PAH: variants seen among roughly 807,000 people sequenced by gnomAD.
PAH encodes phenylalanine hydroxylase.
A neutral mutation model predicts 62.0 loss-of-function variants in PAH; 64 were observed. The observed-to-expected ratio is 1.03, with a 90% CI of 0.84 to 1.27. PAH has a LOEUF of 1.27. PAH is among the 50% of genes most tolerant of loss of function. PAH has a pLI of 0.00. For synonymous variants in PAH, 195 were observed against 196.2 expected, an observed-to-expected ratio of 0.99 and a Z score of 0.05; for missense variants, 579 against 542.8, an observed-to-expected ratio of 1.07 and a Z score of -0.66.
chr12:102,957,192 C>T lies in PAH; in HGVS notation c.-96+1003G>A, dbSNP rs1189504890. Among the ~76,000 whole-genome samples the T allele has an allele frequency of 6.6e-6, 1 of 152,200 alleles. No homozygotes were observed. The highest frequency in any genetic ancestry group is 2.4e-5 in the African/African-American group (1 of 41,452). The stretch of plus-strand genomic sequence containing the variant: ...GAGCCCCACTCCCTCCTCACCTCCA[C>T]ACCGTTCCTGTGCCATTTTTTCTGC... On this transcript the variant is annotated intron_variant, in intron 1 of 4. Transcript: ENST00000551337. This position sits in a 1 kb window ranked among gnomAD's most constrained non-coding sequence, Gnocchi z 4.1.
intron 2 of PAH, among the ~76,000 whole-genome samples, chr12:102,904,056 T>TA (rs1192691931): frequency 6.6e-6 from 1 of 152,232 alleles, no homozygotes; most frequent in Non-Finnish European, 1.5e-5. Flanking sequence ...TGGAACAATC[T>TA]ACTGAGGTCA....
intron 4 of PAH, among the ~76,000 whole-genome samples, chr12:102,867,619 T>C (rs1876034853): frequency 6.6e-6 from 1 of 152,166 alleles, no homozygotes; most frequent in South Asian, 2.1e-4. Context: ...TCCACCACTT[T>C]AGCTCACAAT....
chr12:102,923,551 T>C (rs1282325948), intron 1 of PAH: 1 of 152,224 alleles, frequency 6.6e-6, no homozygotes, highest in Non-Finnish European at 1.5e-5. Context: ...ATGTGGCCTA[T>C]AGACCATCCA....
At chr12:102,899,622 G>A (rs1203954816) in intron 2 of PAH, among the ~76,000 whole-genome samples, 1 of 151,734 alleles carries the variant, frequency 6.6e-6, no homozygotes, top group Non-Finnish European at 1.5e-5. Flanking sequence ...CACTTTGGGA[G>A]GCCGAGGCGG....
chr12:102,860,481 C>G (rs1875666655), intron 5 of PAH, among the ~76,000 whole-genome samples: 1 of 138,056 alleles, frequency 7.2e-6, no homozygotes, highest in Non-Finnish European at 1.5e-5. Flanking sequence ...TTGGAAAAAA[C>G]TACTTTAAAG....
intron 3 of PAH, chr12:102,886,052 G>A (rs1877027572): frequency 6.6e-6 from 1 of 152,280 alleles, no homozygotes; most frequent in African/African-American, 2.4e-5. Flanking sequence ...GAAGACTTTT[G>A]AGGGTTTTAT....
intron 3 of PAH, among the ~76,000 whole-genome samples, chr12:102,889,076 C>G (rs1160160871): frequency 6.6e-6 from 1 of 152,092 alleles, no homozygotes. Context: ...TCCCTTCCAG[C>G]CCTAAGCGGC....
At chr12:102,922,887 C>T (rs1185064966) in intron 1 of PAH, among the ~76,000 whole-genome samples, 1 of 152,120 alleles carries the variant, frequency 6.6e-6, no homozygotes, top group Non-Finnish European at 1.5e-5. Context: ...AAAGGAGGTA[C>T]TAGTTATAAT....
At chr12:102,928,369 A>G (rs945318413) in intron 1 of PAH, among the ~76,000 whole-genome samples, 1 of 152,166 alleles carries the variant, frequency 6.6e-6, no homozygotes, top group African/African-American at 2.4e-5. Context: ...ATAGGTTTTT[A>G]GTATTCTCAT....
At chr12:102,907,835 T>A (rs2136720777) in intron 2 of PAH, among the ~76,000 whole-genome samples, 1 of 152,186 alleles carries the variant, frequency 6.6e-6, no homozygotes, top group African/African-American at 2.4e-5. Context: ...GCCAGGCTGG[T>A]TTGAACTCCT....
chr12:102,873,092 C>A (rs77340293), intron 4 of PAH, among the ~76,000 whole-genome samples: 1,853 of 152,204 alleles, frequency 0.012, 23 homozygotes, highest in Non-Finnish European at 0.019. Context: ...AGCCTAGACT[C>A]CAGTGCAGCT....
intron 11 of PAH, among the ~76,000 whole-genome samples, chr12:102,841,280 C>T (rs7295112): frequency 6.6e-6 from 1 of 152,162 alleles, no homozygotes; most frequent in Non-Finnish European, 1.5e-5. Context: ...TGAGGGACAT[C>T]ATGCAATACC....
chr12:102,892,084 G>T (rs1877302241), intron 3 of PAH, among the ~76,000 whole-genome samples: 1 of 152,184 alleles, frequency 6.6e-6, no homozygotes, highest in Non-Finnish European at 1.5e-5. Flanking sequence ...CCAAGTGCCT[G>T]CCCTCCAGGG....
At chr12:102,913,199 C>T (rs753533000) in intron 1 of PAH, among the ~76,000 whole-genome samples, 1 of 152,172 alleles carries the variant, frequency 6.6e-6, no homozygotes, top group Non-Finnish European at 1.5e-5. Context: ...TACTAGGTTC[C>T]AGGCACTATT....
upstream of PAH, among the ~76,000 whole-genome samples, chr12:102,918,850 A>G (rs1174770987): frequency 1.3e-5 from 2 of 152,236 alleles, no homozygotes; most frequent in Non-Finnish European, 2.9e-5. Context: ...TCAGTGTAGT[A>G]GACATAAAAC....
rs545225000 is a variant in PAH, at chr12:102,847,021, G to T, written c.913-70C>A. On this transcript the variant is annotated intron_variant, in intron 8 of 12. Coordinates refer to ENST00000553106, the MANE Select transcript of PAH (RefSeq NM_000277.3). The stretch of plus-strand genomic sequence containing the variant: ...AACCACAGAACCAACCTAGTACTTG[G>T]CCATAAAAAGGTGATGGGTGGCCAG... The T allele has an allele frequency of 9.8e-6, 13 of 1,332,816 alleles. No individual in the cohort carries two copies. The South Asian group carries it at 1.3e-4, about 13-fold the overall frequency. The allele number at this position is 1,332,816 out of a possible 1,614,324, so 82.6% of individuals were successfully genotyped here.
chr12:102,910,538 T>C (rs953623541), intron 2 of PAH, among the ~76,000 whole-genome samples: 1 of 151,992 alleles, frequency 6.6e-6, no homozygotes, highest in Non-Finnish European at 1.5e-5. Flanking sequence ...GCCGGGCTAA[T>C]TTTTTGTATT....
intron 1 of PAH, chr12:102,946,494 G>A (rs993959263): frequency 2.6e-5 from 4 of 152,260 alleles, no homozygotes; most frequent in Non-Finnish European, 5.9e-5. Flanking sequence ...TCCCTCTGTG[G>A]GTGCTGACTG....
intron 1 of PAH, among the ~76,000 whole-genome samples, chr12:102,930,243 T>A (rs1186407702): frequency 1.3e-5 from 2 of 152,178 alleles, no homozygotes; most frequent in African/African-American, 4.8e-5. Flanking sequence ...TACCACCTAC[T>A]CAGAGACAGC....
Sources: gnomAD v4.1 joint callset for allele counts (sites outside exome capture counted in the v4.1 genomes callset) on GRCh38, gnomAD v4.1.1 for gene constraint, Gnocchi (gnomAD v3.1) non-coding constraint, MANE v1.5 for transcripts, NCBI Gene and HGNC (gene_info 2026-07-23, HGNC 2026-07-21) for gene names.